The following KIF26B variants were observed in gnomAD, a reference collection of about 807,000 sequenced individuals.
KIF26B encodes the protein kinesin family member 26B.
KIF26B carries 63 observed loss-of-function variants against 151.2 expected under a neutral mutation model. The observed-to-expected ratio is 0.42, with a 90% CI of 0.34 to 0.51. KIF26B has a LOEUF of 0.51. KIF26B is among the 20% of genes least tolerant of loss of function. The probability of loss-of-function intolerance (pLI) is 0.07; values close to 1 mark genes in which losing one functional copy is unlikely to be tolerated. For synonymous variants in KIF26B, 1,357 were observed against 1,262.1 expected, an observed-to-expected ratio of 1.08 and a Z score of -1.59; for missense variants, 2,813 against 2,913.6, an observed-to-expected ratio of 0.97 and a Z score of 0.79.
chr1:245,556,358 CCTCCTT>C (rs755640897), intron 5 of KIF26B, among the ~76,000 whole-genome samples: 2 of 109,478 alleles, frequency 1.8e-5, no homozygotes, highest in African/African-American at 4.3e-5. Context: ...TCCTCCTCCT[CCTCCTT>C]CTTCTTCTTC....
chr1:245,683,460 G>A (rs2147951506), intron 10 of KIF26B, among the ~76,000 whole-genome samples: 1 of 152,250 alleles, frequency 6.6e-6, no homozygotes. Context: ...CAGAAAACCA[G>A]CCATTTCTCC....
intron 10 of KIF26B, among the ~76,000 whole-genome samples, chr1:245,651,060 C>T (rs187928535): frequency 2.4e-3 from 367 of 152,252 alleles, no homozygotes; most frequent in South Asian, 0.011. Flanking sequence ...CTGCAGGCCA[C>T]GAGCAAACAC....
At chr1:245,423,097 CAAA>C (rs35659375) in intron 4 of KIF26B, among the ~76,000 whole-genome samples, 2 of 77,666 alleles carry the variant, frequency 2.6e-5, no homozygotes. Flanking sequence ...GACTCAGTCT[CAAA>C]AAAAAAAAAA....
At chr1:245,701,523 C>T (rs559374915) in intron 14 of KIF26B, among the ~76,000 whole-genome samples, 84 of 152,304 alleles carry the variant, frequency 5.5e-4, no homozygotes, top group African/African-American at 1.9e-3. Flanking sequence ...CTGTCCAGCT[C>T]TCAGGGACCT....
At chr1:245,353,022 G>T (rs1445029005) in intron 2 of KIF26B, among the ~76,000 whole-genome samples, 1 of 152,144 alleles carries the variant, frequency 6.6e-6, no homozygotes, top group Non-Finnish European at 1.5e-5. Flanking sequence ...GTTTCTTGTA[G>T]AATTAATTTA....
rs1003576140 is a variant in KIF26B, at chr1:245,414,123, C to T, written c.1000-5456C>T. 7.9e-5 allele frequency among the ~76,000 whole-genome samples: 12 copies of T among 152,334 alleles called. No individual in the cohort carries two copies. The East Asian group carries it at 1.9e-3, about 25-fold the overall frequency. On this transcript the variant is annotated intron_variant, in intron 3 of 14. Transcript: ENST00000407071. ...GGCTGGAGAAGGGGCAGGCTTCCTC[C>T]GGGAGCTCATCCCCACACCCAGTGG...
chr1:245,589,465 AG>A (rs1317201419), intron 5 of KIF26B, among the ~76,000 whole-genome samples: 1 of 152,208 alleles, frequency 6.6e-6, no homozygotes, highest in African/African-American at 2.4e-5. Flanking sequence ...CTCCTTCTGC[AG>A]GTCTCCTCCG....
intron 2 of KIF26B, among the ~76,000 whole-genome samples, chr1:245,334,400 T>G (rs1197926840): frequency 6.6e-6 from 1 of 152,238 alleles, no homozygotes. Flanking sequence ...TGCCCTTCAT[T>G]TCTTTGCCTT....
chr1:245,280,113 C>G lies in KIF26B; in HGVS notation c.466-86721C>G, dbSNP rs535955490. Among the ~76,000 whole-genome samples the G allele has an allele frequency of 4.6e-5, 7 of 152,146 alleles. No homozygotes were observed. In the South Asian group the frequency reaches 1.5e-3, roughly 32 times the overall value. On this transcript the variant is annotated intron_variant, in intron 2 of 14. Coordinates refer to ENST00000407071, the MANE Select transcript of KIF26B (RefSeq NM_018012.4). ...CAGGAGGAGCCTAGCTGCTGCTCCC[C>G]ATTGGGCGCCCCATTTCAGCAGAAG...
intron 4 of KIF26B, among the ~76,000 whole-genome samples, chr1:245,539,725 T>C (rs1392899591): frequency 6.6e-6 from 1 of 152,202 alleles, no homozygotes; most frequent in Non-Finnish European, 1.5e-5. Context: ...CTATCTGGGC[T>C]CACTGCAACC....
Position 245,156,555 on chromosome 1 carries a change from T to C in KIF26B, c.337T>C (p.Ser113Pro). The change falls in exon 2 of 15, where the codon TCC (serine) becomes CCC (proline). Residue 113 changes from serine to proline, a missense_variant. Around this residue, in one of 3 missense-constraint regions of KIF26B, gnomAD observed 676 missense variants for 688.1 expected, o/e 0.98. Transcript: ENST00000407071. Reference sequence around the variant, plus strand: ...GGGCTTCGGCACAGGCTCCCCGGGCTCCGGCAGCGGCGGCGGCTCCTCCCC... The same window carrying C: ...GGGCTTCGGCACAGGCTCCCCGGGCCCCGGCAGCGGCGGCGGCTCCTCCCC... Reference protein sequence around the residue: ...SPGFGTGSPGSGSGGGSSPGS... With the variant: ...SPGFGTGSPGPGSGGGSSPGS... 2 of 1,534,214 alleles carry C rather than the reference T, an allele frequency of 1.3e-6. No homozygotes were observed. The highest frequency in any genetic ancestry group is 1.7e-6 in the Non-Finnish European group (2 of 1,146,676).
chr1:245,205,734 A>G (rs1443546221), intron 2 of KIF26B, among the ~76,000 whole-genome samples: 6 of 142,938 alleles, frequency 4.2e-5, no homozygotes, highest in African/African-American at 1.6e-4. Context: ...TTTTTTAGAC[A>G]TAGGGTCTCG....
chr1:245,610,606 C>A (rs1319370979), intron 8 of KIF26B, among the ~76,000 whole-genome samples: 1 of 152,174 alleles, frequency 6.6e-6, no homozygotes, highest in African/African-American at 2.4e-5. Flanking sequence ...TGCTCCTGTT[C>A]CAGGCATTTT....
chr1:245,656,695 A>T (rs1157169070), intron 10 of KIF26B, among the ~76,000 whole-genome samples: 1 of 152,228 alleles, frequency 6.6e-6, no homozygotes, highest in Non-Finnish European at 1.5e-5. Context: ...GGATTAATTC[A>T]TTAAAAATCT....
chr1:245,709,397 A>T lies in KIF26B; in HGVS notation c.*6791A>T, dbSNP rs1289041275. 6.6e-6 allele frequency: 1 copy of T among 152,214 alleles called. No homozygotes were observed. Among genetic ancestry groups the T allele is most frequent in the Non-Finnish European group, 1.5e-5 (1 of 68,044 alleles). 9.4% of individuals were successfully genotyped at this position (152,214 alleles called of 1,614,324 possible). On this transcript the variant is annotated 3_prime_UTR_variant, in exon 15 of 15. Coordinates refer to ENST00000407071, the MANE Select transcript of KIF26B (RefSeq NM_018012.4). Reference sequence around the variant, plus strand: ...AGAATCTGGTGTTTAAAAAAAAATCAAACTATGGTGGCATTAAATGTTCAC... The same window carrying T: ...AGAATCTGGTGTTTAAAAAAAAATCTAACTATGGTGGCATTAAATGTTCAC...
chr1:245,589,068 G>A (rs1334518897), intron 5 of KIF26B, among the ~76,000 whole-genome samples: 2 of 152,064 alleles, frequency 1.3e-5, no homozygotes, highest in Admixed American at 1.3e-4. Flanking sequence ...AGTATACGTC[G>A]GGCTCTTAAG....
intron 3 of KIF26B, among the ~76,000 whole-genome samples, chr1:245,379,213 C>A (rs1673345327): frequency 2.0e-5 from 3 of 152,340 alleles, no homozygotes; most frequent in South Asian, 2.1e-4. Flanking sequence ...TACATCACAT[C>A]TCGTGTGAGA....
intron 3 of KIF26B, among the ~76,000 whole-genome samples, chr1:245,415,516 T>A (rs1380857647): frequency 6.6e-6 from 1 of 152,008 alleles, no homozygotes; most frequent in East Asian, 1.9e-4. Flanking sequence ...TGCATACCAG[T>A]GTATGCGGGA....
At chr1:245,591,005 G>T (rs570989747) in intron 5 of KIF26B, among the ~76,000 whole-genome samples, 2 of 152,176 alleles carry the variant, frequency 1.3e-5, no homozygotes, top group South Asian at 2.1e-4. Context: ...CTAATGATTA[G>T]GTCTCCTGAA....
Sources: allele counts gnomAD v4.1 joint callset (sites outside exome capture counted in the v4.1 genomes callset), GRCh38; gene constraint gnomAD v4.1.1; regional missense constraint gnomAD v4.1.1; transcripts MANE v1.5; gene names NCBI Gene and HGNC (gene_info 2026-07-23, HGNC 2026-07-21).